C1orf185: variants seen among roughly 807,000 people sequenced by gnomAD.
The protein encoded by C1orf185 is uncharacterized protein C1orf185.
In C1orf185, 13 loss-of-function variants were observed where a neutral mutation model predicts 16.1. That is an observed-to-expected ratio of 0.81 (90% CI 0.53 to 1.28). The LOEUF is 1.28. C1orf185 is among the 50% of genes most tolerant of loss of function. The probability of loss-of-function intolerance (pLI) is 0.00; values close to 1 mark genes in which losing one functional copy is unlikely to be tolerated. For synonymous variants in C1orf185, 80 were observed against 76.9 expected (o/e 1.04, Z -0.21); for missense variants, 220 against 225.2 (o/e 0.98, Z 0.15).
intron 3 of C1orf185, among the ~76,000 whole-genome samples, chr1:51,121,921 A>G (rs1479908463): frequency 6.6e-6 from 1 of 152,076 alleles, no homozygotes; most frequent in Middle Eastern, 3.2e-3. Context: ...CCCTCCACTA[A>G]AGGAACCACT....
chr1:51,112,533 T>C lies in C1orf185; in HGVS notation c.86T>C (p.Leu29Ser). Residue 29 changes from leucine (L) to serine (S), a missense_variant, in exon 2 of 5, where the codon TTG becomes TCG. Physicochemically the swap from Leu to Ser is moderately radical, Grantham distance 145. Coordinates refer to ENST00000371759, the MANE Select transcript of C1orf185 (RefSeq NM_001136508.2). Reference sequence around the variant, plus strand: ...ACTTTGGGAATTGGTTTCTTTGCTTTGGCATCAGCTTTGTGGTTCCTGATT... The same window carrying C: ...ACTTTGGGAATTGGTTTCTTTGCTTCGGCATCAGCTTTGTGGTTCCTGATT... ...AVTLGIGFFA[L>S]ASALWFLICK... 1 of 1,551,206 alleles carries C rather than the reference T, an allele frequency of 6.4e-7. No homozygotes were observed. Among genetic ancestry groups the C allele is most frequent in the Non-Finnish European group, 8.7e-7 (1 of 1,146,776 alleles).
At chr1:51,116,695 C>G (rs1390668015) in intron 2 of C1orf185, among the ~76,000 whole-genome samples, 1 of 152,146 alleles carries the variant, frequency 6.6e-6, no homozygotes, top group African/African-American at 2.4e-5. Flanking sequence ...CTTTTAAGGG[C>G]TTACATGGTC....
chr1:51,123,564 T>A (rs111520604), intron 3 of C1orf185, among the ~76,000 whole-genome samples: 5,543 of 152,224 alleles, frequency 0.036, 341 homozygotes, highest in African/African-American at 0.13. Flanking sequence ...ATGGTATGAG[T>A]GTGTGTAGTT....
chr1:51,144,744 A>G (rs1031945690), intron 3 of C1orf185, among the ~76,000 whole-genome samples: 1 of 152,136 alleles, frequency 6.6e-6, no homozygotes, highest in Non-Finnish European at 1.5e-5. Flanking sequence ...AACAAAATGA[A>G]TAAAAGTATC....
chr1:51,145,307 A>AAATAATAATAATAATAATAAT (rs111332471), intron 3 of C1orf185, among the ~76,000 whole-genome samples: 39 of 150,612 alleles, frequency 2.6e-4, no homozygotes, highest in Non-Finnish European at 4.6e-4. Flanking sequence ...CCTGTCTCTA[A>AAATAATAATAATAATAATAAT]AATAATAATA....
downstream of C1orf185, among the ~76,000 whole-genome samples, chr1:51,151,238 A>C (rs1032188650): frequency 1.3e-5 from 2 of 152,250 alleles, no homozygotes; most frequent in African/African-American, 4.8e-5. Context: ...CAGGTGTAAC[A>C]GGTTCAAATT....
chr1:51,122,276 A>T (rs1020299944), intron 3 of C1orf185, among the ~76,000 whole-genome samples: 2 of 152,218 alleles, frequency 1.3e-5, no homozygotes, highest in Non-Finnish European at 2.9e-5. Flanking sequence ...ACCTTATTAA[A>T]TAATTCCAAA....
intron 2 of C1orf185, among the ~76,000 whole-genome samples, chr1:51,118,090 A>G (rs1349118960): frequency 6.6e-6 from 1 of 151,764 alleles, no homozygotes; most frequent in African/African-American, 2.4e-5. Flanking sequence ...ATTTTTTTGT[A>G]TGTGTTTTTA....
intron 3 of C1orf185, among the ~76,000 whole-genome samples, chr1:51,135,926 AG>A (rs1646320466): frequency 6.6e-6 from 1 of 152,204 alleles, no homozygotes. Flanking sequence ...TCAGCCCAAA[AG>A]CTCCTTAAGC....
chr1:51,140,530 G>A (rs1408287798), intron 3 of C1orf185, among the ~76,000 whole-genome samples: 1 of 152,104 alleles, frequency 6.6e-6, no homozygotes. Context: ...TGAATCTGTG[G>A]ATTTTTGCCT....
intron 1 of C1orf185, among the ~76,000 whole-genome samples, chr1:51,103,839 T>G (rs553990875): frequency 2.0e-5 from 3 of 152,334 alleles, no homozygotes; most frequent in African/African-American, 7.2e-5. Flanking sequence ...CCAGCCATTA[T>G]GTTATTAATT....
At chr1:51,144,267 G>C (rs546780503) in intron 3 of C1orf185, among the ~76,000 whole-genome samples, 1 of 152,240 alleles carries the variant, frequency 6.6e-6, no homozygotes, top group South Asian at 2.1e-4. Context: ...AGCTCCCAGG[G>C]TAATCTGTCA....
At chr1:51,108,297 GT>G (rs1001150954) in intron 1 of C1orf185, among the ~76,000 whole-genome samples, 1 of 150,818 alleles carries the variant, frequency 6.6e-6, no homozygotes, top group Non-Finnish European at 1.5e-5. Context: ...TAAATTTTTG[GT>G]TTTTTTTAAT....
In C1orf185 at chr1:51,111,370, C is replaced by CTTTTTTTTTTTTTTTTTTTTTTTTTTTT. The variant is rs35232347; in HGVS notation, c.17-1091_17-1090insTTTTTTTTTTTTTTTTTTTTTTTTTTTT. 4.6e-4 allele frequency among the ~76,000 whole-genome samples: 53 copies of CTTTTTTTTTTTTTTTTTTTTTTTTTTTT among 114,416 alleles called. 4 individuals are homozygous for CTTTTTTTTTTTTTTTTTTTTTTTTTTTT. Among genetic ancestry groups the CTTTTTTTTTTTTTTTTTTTTTTTTTTTT allele is most frequent in the Non-Finnish European group, 6.1e-4 (34 of 55,504 alleles). The allele number at this position is 114,416 out of a possible 152,430, so 75.1% of individuals were successfully genotyped here. ...ATATTGCTTTCATTTAGCTTTCTTTCTTTCTTTTTTTTTTTTTTTGAGAGA... is the reference window on the plus strand; with the variant it reads ...ATATTGCTTTCATTTAGCTTTCTTTCTTTTTTTTTTTTTTTTTTTTTTTTTTTTTTTCTTTTTTTTTTTTTTTGAGAGA... On this transcript the variant is annotated intron_variant, in intron 1 of 4. Transcript: ENST00000371759.
intron 3 of C1orf185, among the ~76,000 whole-genome samples, chr1:51,135,695 A>T (rs1257287468): frequency 6.6e-6 from 1 of 152,202 alleles, no homozygotes; most frequent in East Asian, 1.9e-4. Context: ...CCCATACCCA[A>T]CATCATACTG....
chr1:51,150,235 G>A (rs185871661), downstream of C1orf185, among the ~76,000 whole-genome samples: 539 of 147,988 alleles, frequency 3.6e-3, 1 homozygote, highest in Non-Finnish European at 4.4e-3. Flanking sequence ...TCTGTCACCC[G>A]GGCTAGAGTG....
At chr1:51,152,054 G>T (rs1646431781), downstream of C1orf185, among the ~76,000 whole-genome samples, 1 of 151,900 alleles carries the variant, frequency 6.6e-6, no homozygotes, top group African/African-American at 2.4e-5. Context: ...AACTGAACTG[G>T]GTCAAGCAAT....
intron 3 of C1orf185, among the ~76,000 whole-genome samples, chr1:51,123,906 C>G (rs916070508): frequency 2.0e-5 from 3 of 150,624 alleles, no homozygotes; most frequent in African/African-American, 4.9e-5. Flanking sequence ...TTATATATAA[C>G]AAGTTTAAAA....
intron 3 of C1orf185, among the ~76,000 whole-genome samples, chr1:51,119,804 A>T (rs1203275656): frequency 6.6e-6 from 1 of 152,198 alleles, no homozygotes; most frequent in African/African-American, 2.4e-5. Flanking sequence ...TCTCAAAAAC[A>T]AACACATTTG....
Sources: allele counts gnomAD v4.1 joint callset (sites outside exome capture counted in the v4.1 genomes callset), GRCh38; gene constraint gnomAD v4.1.1; transcripts MANE v1.5; gene names NCBI Gene and HGNC (gene_info 2026-07-23, HGNC 2026-07-21).